SLC9C1: variants seen among roughly 807,000 people sequenced by gnomAD.
The protein encoded by SLC9C1 is sodium/hydrogen exchanger 10.
Under a neutral mutation model 140.9 loss-of-function variants are expected in SLC9C1, and 97 were observed. The observed-to-expected ratio is 0.69, with a 90% CI of 0.58 to 0.82. The LOEUF (loss-of-function observed/expected upper bound fraction) is 0.82. Ranked by LOEUF, SLC9C1 falls within the 40% of genes least tolerant of loss-of-function variation. The pLI is 0.00. For synonymous variants in SLC9C1, 440 were observed against 442.6 expected, an observed-to-expected ratio of 0.99 and a Z score of 0.07; for missense variants, 1,340 against 1,389.3, an observed-to-expected ratio of 0.96 and a Z score of 0.56.
At chr3:112,185,669 G>C in intron 20 of SLC9C1, 2 of 1,554,390 alleles carry the variant, frequency 1.3e-6, no homozygotes, top group Non-Finnish European at 1.7e-6. Context: ...AGTGGGGGCG[G>C]GTGCTCCGGA....
intron 14 of SLC9C1, among the ~76,000 whole-genome samples, chr3:112,220,335 G>T (rs2078505834): frequency 6.6e-6 from 1 of 152,128 alleles, no homozygotes; most frequent in Non-Finnish European, 1.5e-5. Context: ...GTACCACAAG[G>T]TTGTACATGT....
chr3:112,156,334 A>G (rs1332246887), intron 26 of SLC9C1, among the ~76,000 whole-genome samples: 2 of 151,984 alleles, frequency 1.3e-5, no homozygotes, highest in African/African-American at 4.8e-5. Context: ...AGAGAATTTT[A>G]TTGTTTTTTT....
rs2074606914 is a variant in SLC9C1, at chr3:112,141,099, A to G, written c.*173T>C. On this transcript the variant is annotated 3_prime_UTR_variant, in exon 29 of 29. Transcript: ENST00000305815. Reference sequence around the variant, plus strand: ...ATCAAGGAAATTTTGCAAAAAGTATATATGTTGAACTGCTGGTTTCAAGGT... The same window carrying G: ...ATCAAGGAAATTTTGCAAAAAGTATGTATGTTGAACTGCTGGTTTCAAGGT... 2 of 494,934 alleles carry G rather than the reference A, an allele frequency of 4.0e-6. No homozygotes were observed. Among genetic ancestry groups the G allele is most frequent in the Admixed American group, 4.3e-5 (1 of 23,000 alleles). The allele number at this position is 494,934 out of a possible 1,614,324, so 30.7% of individuals were successfully genotyped here. A position where few individuals can be genotyped will look rare whatever the true frequency, so the allele number is the denominator to read the frequency against.
At chr3:112,239,730 C>T (rs10511310) in intron 12 of SLC9C1, 110 bp downstream of exon 12, 245,736 of 1,100,442 alleles carry the variant, frequency 0.22, 29,997 homozygotes, top group Non-Finnish European at 0.25. Context: ...AACATGACTT[C>T]TCTATCAATT....
chr3:112,287,584 T>C (rs1344451353), intron 1 of SLC9C1, among the ~76,000 whole-genome samples: 1 of 152,222 alleles, frequency 6.6e-6, no homozygotes, highest in Non-Finnish European at 1.5e-5. Flanking sequence ...TTTGAAACAA[T>C]AGACAGTTAA....
chr3:112,159,790 T>A (rs1049882592), intron 26 of SLC9C1, among the ~76,000 whole-genome samples: 1 of 151,298 alleles, frequency 6.6e-6, no homozygotes, highest in Non-Finnish European at 1.5e-5. Context: ...CTTGTTTAAT[T>A]GACCCTTTTT....
rs377504284 is a variant in SLC9C1 at position 112,176,971 on chromosome 3, C to A, written c.2919+2560G>T. Reference sequence around the variant, plus strand: ...CTTTCCTTTCTGTTAGATATCTTGACTTCTTGACTCCTGGTGTCTCTCTCT... The same window carrying A: ...CTTTCCTTTCTGTTAGATATCTTGAATTCTTGACTCCTGGTGTCTCTCTCT... On this transcript the variant is annotated intron_variant, in intron 23 of 28. Coordinates refer to ENST00000305815, the MANE Select transcript of SLC9C1 (RefSeq NM_183061.3). Among the ~76,000 whole-genome samples the A allele has an allele frequency of 1.2e-4, 17 of 147,044 alleles. No homozygotes were observed. The East Asian group carries it at 2.2e-3, about 19-fold the overall frequency.
At chr3:112,272,929 T>C (rs756195439) in intron 6 of SLC9C1, among the ~76,000 whole-genome samples, 16 of 152,132 alleles carry the variant, frequency 1.1e-4, no homozygotes, top group Non-Finnish European at 2.4e-4. Context: ...TTATTCTTCC[T>C]TTTCCTTTCC....
At chr3:112,220,015 G>T (rs1190941721) in intron 14 of SLC9C1, among the ~76,000 whole-genome samples, 1 of 152,092 alleles carries the variant, frequency 6.6e-6, no homozygotes, top group Non-Finnish European at 1.5e-5. Context: ...GATCACATTT[G>T]CCCAGCCCTC....
At chr3:112,181,356 A>G (rs940778267) in intron 21 of SLC9C1, among the ~76,000 whole-genome samples, 1 of 152,236 alleles carries the variant, frequency 6.6e-6, no homozygotes, top group African/African-American at 2.4e-5. Flanking sequence ...TGCTCTAAAC[A>G]GCTGATCAGG....
At chr3:112,254,094 AG>A (rs1197396898) in intron 10 of SLC9C1, among the ~76,000 whole-genome samples, 1 of 152,218 alleles carries the variant, frequency 6.6e-6, no homozygotes, top group Non-Finnish European at 1.5e-5. Context: ...GATTATGTAA[AG>A]GGGTAAAACT....
intron 10 of SLC9C1, among the ~76,000 whole-genome samples, chr3:112,258,646 G>T (rs2079681258): frequency 6.6e-6 from 1 of 151,994 alleles, no homozygotes. Flanking sequence ...TTTTAGTAGA[G>T]ACAGGGTTTC....
At chr3:112,191,653 TTTC>T (rs1471815854) in intron 20 of SLC9C1, among the ~76,000 whole-genome samples, 1 of 152,108 alleles carries the variant, frequency 6.6e-6, no homozygotes, top group East Asian at 1.9e-4. Context: ...GGTCTATAAT[TTTC>T]TTGTCCTTAT....
At position 112,286,758 on chromosome 3, in the gene SLC9C1, T is replaced by C. The variant is rs564192675; in HGVS notation, c.34A>G (p.Thr12Ala). ...AGIFKEFFFSTEDLPEVILTL... is the reference protein window; with the variant it reads ...AGIFKEFFFSAEDLPEVILTL... Reference sequence around the variant, plus strand: ...AGAATGACTTCAGGGAGGTCCTCAGTACTGAAAAAAAACTCCTTAAATATT... The same window carrying C: ...AGAATGACTTCAGGGAGGTCCTCAGCACTGAAAAAAAACTCCTTAAATATT... The change falls in exon 2 of 29, where the codon ACT (threonine) becomes GCT (alanine). Residue 12 changes from threonine (T) to alanine (A), a missense_variant. Thr to Ala is a moderately conservative substitution (Grantham distance 58). Coordinates refer to ENST00000305815, the MANE Select transcript of SLC9C1 (RefSeq NM_183061.3). 14 of 1,612,526 alleles carry C rather than the reference T, an allele frequency of 8.7e-6. No homozygotes were observed. The African/African-American group carries it at 1.2e-4, about 14-fold the overall frequency.
chr3:112,235,066 G>T (rs1308987760), intron 12 of SLC9C1, among the ~76,000 whole-genome samples: 1 of 150,044 alleles, frequency 6.7e-6, no homozygotes, highest in African/African-American at 2.5e-5. Flanking sequence ...ATTACCTTGG[G>T]CAGTATGGCC....
intron 12 of SLC9C1, among the ~76,000 whole-genome samples, chr3:112,238,139 G>T (rs936169620): frequency 6.6e-6 from 1 of 152,098 alleles, no homozygotes; most frequent in Non-Finnish European, 1.5e-5. Flanking sequence ...CATATTTCTT[G>T]GAGACTTTGT....
chr3:112,230,260 GT>G (rs1014987345), intron 13 of SLC9C1, among the ~76,000 whole-genome samples: 1 of 152,108 alleles, frequency 6.6e-6, no homozygotes, highest in African/African-American at 2.4e-5. Context: ...GCCTGCCTTT[GT>G]TTTTGCCTCA....
At chr3:112,242,331 T>C (rs1295669062) in intron 11 of SLC9C1, among the ~76,000 whole-genome samples, 1 of 152,142 alleles carries the variant, frequency 6.6e-6, no homozygotes, top group Non-Finnish European at 1.5e-5. Flanking sequence ...ATATACACAA[T>C]GGCATACCAT....
chr3:112,243,097 T>C (rs1399135399), intron 11 of SLC9C1, among the ~76,000 whole-genome samples: 1 of 152,216 alleles, frequency 6.6e-6, no homozygotes, highest in African/African-American at 2.4e-5. Flanking sequence ...GTTCAGCCAC[T>C]GTGGAAAGCA....
Sources: allele counts gnomAD v4.1 joint callset (sites outside exome capture counted in the v4.1 genomes callset), GRCh38; gene constraint gnomAD v4.1.1; transcripts MANE v1.5; gene names NCBI Gene and HGNC (gene_info 2026-07-23, HGNC 2026-07-21).